The following PHF14 variants were observed in gnomAD, a reference collection of about 807,000 sequenced individuals.
PHF14 encodes the protein PHD finger protein 14.
In PHF14, 55 loss-of-function variants were observed where a neutral mutation model predicts 117.9. The observed-to-expected ratio is 0.47, with a 90% CI of 0.38 to 0.58. The LOEUF (loss-of-function observed/expected upper bound fraction) is 0.58, where lower values mean the gene tolerates loss of function less well. Among genes scored for constraint, PHF14 ranks in the 20% least tolerant of loss-of-function variants. The pLI is 0.00. For missense variants in PHF14, 978 were observed against 1,122.2 expected (o/e 0.87, Z 1.84); for synonymous variants, 409 against 368.6 (o/e 1.11, Z -1.26).
intron 16 of PHF14, among the ~76,000 whole-genome samples, chr7:11,077,879 A>G (rs1785927429): frequency 6.6e-6 from 1 of 152,172 alleles, no homozygotes; most frequent in Non-Finnish European, 1.5e-5. Flanking sequence ...CATAAAATAA[A>G]TGTCAGTTTG....
At position 10,983,098 on chromosome 7, in the gene PHF14, G is replaced by A; in HGVS notation, c.839G>A (p.Ser280Asn). ...KKKSKVLSRN[S>N]ADDEELTNDS... The stretch of plus-strand genomic sequence containing the variant: ...AAGAGTAAAGTTCTTAGCAGAAACA[G>A]TGCTGATGATGAGGAACTGACCAAT... The change falls in exon 3 of 18, where the codon AGT (serine) becomes AAT (asparagine). Residue 280 changes from serine to asparagine, a missense_variant. Coordinates refer to ENST00000634607, the MANE Select transcript of PHF14 (RefSeq NM_001007157.2). 6.3e-7 allele frequency: 1 copy of A among 1,599,408 alleles called. No individual in the cohort carries two copies. Among genetic ancestry groups the A allele is most frequent in the Non-Finnish European group, 8.5e-7 (1 of 1,179,680 alleles).
intron 17 of PHF14, among the ~76,000 whole-genome samples, chr7:11,145,572 T>C (rs1788527258): frequency 1.3e-5 from 2 of 152,006 alleles, no homozygotes; most frequent in South Asian, 4.1e-4. Context: ...AAAGCATTTT[T>C]CCAGTTTTAA....
At chr7:10,980,435 A>C (rs1373508222) in intron 2 of PHF14, among the ~76,000 whole-genome samples, 1 of 152,152 alleles carries the variant, frequency 6.6e-6, no homozygotes, top group Admixed American at 6.5e-5. Context: ...TAATTTTAAA[A>C]TGTCAAGAGA....
chr7:11,103,634 A>C, intron 16 of PHF14: 4 of 985,188 alleles, frequency 4.1e-6, no homozygotes, highest in Non-Finnish European at 4.8e-6. Context: ...TTTCTGATTA[A>C]TAAATGTGGT....
At chr7:10,984,103 T>G (rs1246209208) in intron 3 of PHF14, among the ~76,000 whole-genome samples, 1 of 152,208 alleles carries the variant, frequency 6.6e-6, no homozygotes, top group Non-Finnish European at 1.5e-5. Flanking sequence ...AACACTTATT[T>G]TTTTCCATAT....
chr7:11,015,017 T>C (rs1044296397), intron 5 of PHF14: 1 of 149,458 alleles, frequency 6.7e-6, no homozygotes, highest in African/African-American at 2.5e-5. Flanking sequence ...GGGGGGTGGG[T>C]ACTTAAATTT....
At chr7:11,122,245 A>G (rs1787776334) in intron 17 of PHF14, among the ~76,000 whole-genome samples, 1 of 148,392 alleles carries the variant, frequency 6.7e-6, no homozygotes, top group African/African-American at 2.5e-5. Flanking sequence ...CTTTTTATTT[A>G]CTATTTCCAG....
At chr7:11,082,887 T>C (rs1034597938) in intron 16 of PHF14, among the ~76,000 whole-genome samples, 2 of 152,086 alleles carry the variant, frequency 1.3e-5, no homozygotes, top group Admixed American at 1.3e-4. Context: ...CCCCTCCCCT[T>C]CCCTTTTCTT....
intron 17 of PHF14, among the ~76,000 whole-genome samples, chr7:11,162,718 T>G (rs1346012178): frequency 1.5e-5 from 2 of 135,370 alleles, no homozygotes; most frequent in African/African-American, 5.5e-5. Context: ...TTTTTTTTTT[T>G]GATATGGAGT....
At chr7:10,983,424 G>T (rs1017566216) in intron 3 of PHF14, among the ~76,000 whole-genome samples, 1 of 152,076 alleles carries the variant, frequency 6.6e-6, no homozygotes, top group African/African-American at 2.4e-5. Flanking sequence ...CCATAGACTT[G>T]GGAAATGACA....
chr7:10,978,952 C>G (rs1297609198), intron 2 of PHF14, among the ~76,000 whole-genome samples: 1 of 152,018 alleles, frequency 6.6e-6, no homozygotes, highest in Admixed American at 6.6e-5. Context: ...AAACATAGCC[C>G]TGGGATAGCT....
chr7:10,985,040 C>G (rs1782164483), intron 3 of PHF14, among the ~76,000 whole-genome samples: 1 of 152,200 alleles, frequency 6.6e-6, no homozygotes, highest in East Asian at 1.9e-4. Flanking sequence ...TATTCAAGCT[C>G]TACAGTAGTT....
chr7:11,139,986 TC>T (rs1788352515), intron 17 of PHF14, among the ~76,000 whole-genome samples: 3 of 152,152 alleles, frequency 2.0e-5, no homozygotes, highest in African/African-American at 7.2e-5. Flanking sequence ...AGCAGTAACT[TC>T]CAGAGGTCTT....
Position 11,165,505 on chromosome 7 carries a change from T to C in PHF14, c.2773-3911T>C, listed in dbSNP as rs149854560. On this transcript the variant is annotated intron_variant, in intron 17 of 17. Transcript: ENST00000634607. Reference sequence around the variant, plus strand: ...TAGGGAGAGTTGCCTCTTTGTGTAATCCTTTTATATAAAGGATTACAAGAG... The same window carrying C: ...TAGGGAGAGTTGCCTCTTTGTGTAACCCTTTTATATAAAGGATTACAAGAG... Among the ~76,000 whole-genome samples, 188 of 152,290 alleles carry C rather than the reference T, an allele frequency of 1.2e-3. 2 individuals are homozygous for C. Among genetic ancestry groups the C allele is most frequent in the African/African-American group, 4.3e-3 (180 of 41,556 alleles).
At position 11,102,983 on chromosome 7, in the gene PHF14, A is replaced by G. The variant is rs568604056; in HGVS notation, c.2655-8367A>G. On this transcript the variant is annotated intron_variant, in intron 16 of 17. Coordinates refer to ENST00000634607, the MANE Select transcript of PHF14 (RefSeq NM_001007157.2). ...CCTGTTGTGATTGAACAATACAAAT[A>G]ACAAACAAGAAAGACAATGCATTCC... is the stretch of plus-strand genomic sequence containing the variant. 4 of 997,714 alleles carry G rather than the reference A, an allele frequency of 4.0e-6. No homozygotes were observed. The African/African-American group carries it at 6.9e-5, about 17-fold the overall frequency. The allele number at this position is 997,714 out of a possible 1,614,324, so 61.8% of individuals were successfully genotyped here.
chr7:11,022,892 G>A lies in PHF14; in HGVS notation c.1230G>A (p.Leu410=). Residue 410 remains leucine, a synonymous_variant, in exon 6 of 18, where the codon CTG becomes CTA. Transcript: ENST00000634607. Reference sequence around the variant, plus strand: ...GATGGGTTCATATTGTTTGTGCCCTGTATGTTCCTGGAGTAGCCTTTGGAG... The same window carrying A: ...GATGGGTTCATATTGTTTGTGCCCTATATGTTCCTGGAGTAGCCTTTGGAG... ...AGRWVHIVCA[L]YVPGVAFGDI... is the part of the protein sequence containing the mutation. 1.2e-6 allele frequency: 2 copies of A among 1,606,352 alleles called. No individual in the cohort carries two copies. The highest frequency in any genetic ancestry group is 1.1e-5 in the South Asian group (1 of 90,146).
chr7:11,022,110 C>T (rs535562977), intron 5 of PHF14, among the ~76,000 whole-genome samples: 8 of 152,182 alleles, frequency 5.3e-5, no homozygotes, highest in Admixed American at 3.9e-4. Flanking sequence ...AGGTTCAGAG[C>T]AGTTTTTAAA....
chr7:11,044,276 A>G (rs529975766), intron 13 of PHF14, among the ~76,000 whole-genome samples: 40 of 152,192 alleles, frequency 2.6e-4, no homozygotes, highest in African/African-American at 9.1e-4. Flanking sequence ...CAGTATACCC[A>G]TGTAACAAAC....
chr7:11,093,211 C>G (rs923865417), intron 16 of PHF14, among the ~76,000 whole-genome samples: 1 of 152,186 alleles, frequency 6.6e-6, no homozygotes, highest in African/African-American at 2.4e-5. Flanking sequence ...TCTTTAATAT[C>G]TCCGTCATCC....
Sources: gnomAD v4.1 joint callset for allele counts (sites outside exome capture counted in the v4.1 genomes callset) on GRCh38, gnomAD v4.1.1 for gene constraint, MANE v1.5 for transcripts, NCBI Gene and HGNC (gene_info 2026-07-23, HGNC 2026-07-21) for gene names.